C8orf34: variants seen among roughly 807,000 people sequenced by gnomAD.
C8orf34 encodes uncharacterized protein C8orf34.
Under a neutral mutation model 68.3 loss-of-function variants are expected in C8orf34, and 65 were observed. The ratio of observed to expected loss-of-function variants is 0.95; its 90% CI spans 0.78 to 1.17. The LOEUF is 1.17. Ranked by LOEUF, C8orf34 falls within the 50% of genes most tolerant of loss-of-function variation. The pLI, the probability that C8orf34 is intolerant of heterozygous loss-of-function variation, is 0.00. For missense variants in C8orf34, 664 were observed against 655.4 expected (o/e 1.01, Z -0.14); for synonymous variants, 244 against 241.2 (o/e 1.01, Z -0.11).
At chr8:68,680,302 A>G (rs972533830) in intron 8 of C8orf34, among the ~76,000 whole-genome samples, 4 of 152,218 alleles carry the variant, frequency 2.6e-5, no homozygotes, top group African/African-American at 9.6e-5. Context: ...GCAAACAAGC[A>G]TATGAAAAAG....
intron 3 of C8orf34, among the ~76,000 whole-genome samples, chr8:68,449,798 G>C (rs960522561): frequency 6.6e-6 from 1 of 152,102 alleles, no homozygotes; most frequent in Non-Finnish European, 1.5e-5. Context: ...ACAGATCAGG[G>C]TGTTGGCTAC....
intron 1 of C8orf34, among the ~76,000 whole-genome samples, chr8:68,347,389 T>C (rs1806328667): frequency 6.6e-6 from 1 of 152,072 alleles, no homozygotes. Context: ...GTTGATTCCA[T>C]GTCTTTGCTA....
chr8:68,591,870 C>T (rs1008347007), intron 7 of C8orf34, among the ~76,000 whole-genome samples: 4 of 152,098 alleles, frequency 2.6e-5, no homozygotes, highest in South Asian at 2.1e-4. Context: ...TAACGGCTGG[C>T]CTCAGATGCT....
chr8:68,399,885 G>A (rs1808874103), intron 1 of C8orf34, among the ~76,000 whole-genome samples: 1 of 152,046 alleles, frequency 6.6e-6, no homozygotes, highest in Non-Finnish European at 1.5e-5. Flanking sequence ...TCTTATTGTA[G>A]TTTTAATTTG....
chr8:68,425,014 T>C (rs1287595961), intron 1 of C8orf34, among the ~76,000 whole-genome samples: 1 of 152,114 alleles, frequency 6.6e-6, no homozygotes, highest in Non-Finnish European at 1.5e-5. Context: ...AACATATCAA[T>C]AGGCTAAGGC....
chr8:68,573,209 T>A (rs1375730604), intron 7 of C8orf34, among the ~76,000 whole-genome samples: 1 of 152,158 alleles, frequency 6.6e-6, no homozygotes, highest in Non-Finnish European at 1.5e-5. Flanking sequence ...GAACAGAGTA[T>A]ACTGCTCCCC....
chr8:68,408,151 C>G (rs1401072346), intron 1 of C8orf34, among the ~76,000 whole-genome samples: 10 of 151,946 alleles, frequency 6.6e-5, no homozygotes, highest in African/African-American at 1.9e-4. Flanking sequence ...CTCCCAGGAG[C>G]AGGAACCCTA....
intron 1 of C8orf34, among the ~76,000 whole-genome samples, chr8:68,361,857 C>A (rs1807015669): frequency 6.6e-6 from 1 of 152,188 alleles, no homozygotes; most frequent in Non-Finnish European, 1.5e-5. Context: ...GTACACAAAG[C>A]AGGCTGAACC....
rs183331200 is a variant in C8orf34, at chr8:68,534,978, G to A, written c.1105+1829G>A. On this transcript the variant is annotated intron_variant, in intron 7 of 13. Transcript: ENST00000518698. ...AGTTTAATAATAAGAGATAGTTGAA[G>A]GTTTGGACTTTCTTCATGTAATTCC... 7 of 985,328 alleles carry A rather than the reference G, an allele frequency of 7.1e-6. No individual in the cohort carries two copies. The East Asian group carries it at 5.7e-4, about 80-fold the overall frequency. The allele number at this position is 985,328 out of a possible 1,614,324, so 61.0% of individuals were successfully genotyped here.
intron 7 of C8orf34, among the ~76,000 whole-genome samples, chr8:68,581,441 G>A (rs990427059): frequency 1.3e-5 from 2 of 152,072 alleles, no homozygotes; most frequent in African/African-American, 4.8e-5. Context: ...CTTCAGGGGA[G>A]AAGAGTGAGT....
At chr8:68,794,476 AATAT>A (rs1563673874) in intron 12 of C8orf34, among the ~76,000 whole-genome samples, 1 of 111,668 alleles carries the variant, frequency 9.0e-6, no homozygotes, top group African/African-American at 4.7e-5. Flanking sequence ...CCAGTATATA[AATAT>A]AAATATATAT....
intron 4 of C8orf34, among the ~76,000 whole-genome samples, chr8:68,472,087 T>G (rs771223872): frequency 3.9e-5 from 6 of 152,096 alleles, no homozygotes; most frequent in Non-Finnish European, 8.8e-5. Flanking sequence ...TGTAACATTT[T>G]ATCTTAAAGT....
chr8:68,761,155 A>G (rs56260936), intron 10 of C8orf34, among the ~76,000 whole-genome samples: 45,836 of 152,124 alleles, frequency 0.3, 7,622 homozygotes, highest in African/African-American at 0.44. Context: ...TAAATGCAAC[A>G]AGGTTATAAT....
chr8:68,757,217 T>C (rs1822887736), intron 10 of C8orf34, among the ~76,000 whole-genome samples: 1 of 152,164 alleles, frequency 6.6e-6, no homozygotes, highest in Non-Finnish European at 1.5e-5. Flanking sequence ...ACCATGTGCT[T>C]TCAACAAGAG....
intron 7 of C8orf34, among the ~76,000 whole-genome samples, chr8:68,558,367 TA>T (rs36029605): frequency 6.6e-6 from 1 of 151,916 alleles, no homozygotes; most frequent in Non-Finnish European, 1.5e-5. Context: ...ATTTTTCCAT[TA>T]AAAATGTTGG....
intron 11 of C8orf34, among the ~76,000 whole-genome samples, chr8:68,785,298 A>T (rs1449277363): frequency 3.9e-5 from 6 of 152,182 alleles, no homozygotes; most frequent in Non-Finnish European, 8.8e-5. Flanking sequence ...ACAAATTCAT[A>T]CCGACGTCTT....
chr8:68,609,461 T>C (rs1215603060), intron 7 of C8orf34, among the ~76,000 whole-genome samples: 1 of 152,100 alleles, frequency 6.6e-6, no homozygotes, highest in Non-Finnish European at 1.5e-5. Flanking sequence ...GAAAGAGAAT[T>C]CACAAAGAGC....
intron 1 of C8orf34, among the ~76,000 whole-genome samples, chr8:68,426,522 A>C (rs1810227401): frequency 7.5e-6 from 1 of 134,194 alleles, no homozygotes; most frequent in African/African-American, 3.3e-5. Context: ...TTGTCTCAAA[A>C]AAAAAAAAAA....
intron 7 of C8orf34, among the ~76,000 whole-genome samples, chr8:68,574,505 C>T (rs530806759): frequency 6.6e-6 from 1 of 152,148 alleles, no homozygotes; most frequent in Non-Finnish European, 1.5e-5. Flanking sequence ...GTCATCTCTG[C>T]TGTACTTCAT....
Sources: gnomAD v4.1 joint callset for allele counts (sites outside exome capture counted in the v4.1 genomes callset) on GRCh38, gnomAD v4.1.1 for gene constraint, MANE v1.5 for transcripts, NCBI Gene and HGNC (gene_info 2026-07-23, HGNC 2026-07-21) for gene names.